Variants in MEIOB observed in about 807,000 individuals in gnomAD.
MEIOB encodes the protein meiosis specific with OB-fold.
A neutral mutation model predicts 53.1 loss-of-function variants in MEIOB; 50 were observed. That is an observed-to-expected ratio of 0.94 (90% CI 0.75 to 1.19). The LOEUF (loss-of-function observed/expected upper bound fraction) is 1.19. Ranked by LOEUF, MEIOB falls within the 50% of genes most tolerant of loss-of-function variation. The probability of loss-of-function intolerance (pLI) is 0.00; values close to 1 mark genes in which losing one functional copy is unlikely to be tolerated. For synonymous variants in MEIOB, 192 were observed against 182.5 expected, an observed-to-expected ratio of 1.05 and a Z score of -0.42; for missense variants, 551 against 550.8, an observed-to-expected ratio of 1.00 and a Z score of 0.00.
At chr16:1,847,753 T>C (rs780130885) in intron 9 of MEIOB, among the ~76,000 whole-genome samples, 10 of 152,104 alleles carry the variant, frequency 6.6e-5, no homozygotes, top group South Asian at 2.1e-4. Context: ...AAAACGGCTG[T>C]AGACACTATC....
intron 1 of MEIOB, among the ~76,000 whole-genome samples, chr16:1,869,529 G>C (rs2974855): frequency 2.7e-5 from 4 of 149,864 alleles, no homozygotes; most frequent in South Asian, 2.1e-4. Context: ...CTCACTGCAA[G>C]CTCCACCTCC....
intron 9 of MEIOB, among the ~76,000 whole-genome samples, chr16:1,845,192 T>C (rs1899000655): frequency 6.6e-6 from 1 of 152,214 alleles, no homozygotes. Context: ...CTTACTAACC[T>C]ATGTGGTTCA....
chr16:1,868,396 G>T (rs941857178), intron 1 of MEIOB, among the ~76,000 whole-genome samples: 1 of 151,762 alleles, frequency 6.6e-6, no homozygotes, highest in African/African-American at 2.4e-5. Context: ...ACGTGGTAGC[G>T]GGCACCAGTA....
At chr16:1,845,374 A>G (rs3925437) in intron 9 of MEIOB, among the ~76,000 whole-genome samples, 27,047 of 151,950 alleles carry the variant, frequency 0.18, 2,558 homozygotes, top group South Asian at 0.27. Flanking sequence ...AAAAAAATTA[A>G]CCAGGCGTGG....
At chr16:1,846,880 G>C (rs1899038580) in intron 9 of MEIOB, among the ~76,000 whole-genome samples, 1 of 152,166 alleles carries the variant, frequency 6.6e-6, no homozygotes, top group South Asian at 2.1e-4. Flanking sequence ...TGATGGGCTG[G>C]GCGTGGTGGT....
At chr16:1,858,616 T>G (rs1899366625) in intron 5 of MEIOB, among the ~76,000 whole-genome samples, 1 of 152,162 alleles carries the variant, frequency 6.6e-6, no homozygotes, top group Non-Finnish European at 1.5e-5. Flanking sequence ...AAATATTATT[T>G]CCCAGCTCAA....
At chr16:1,869,519 C>T (rs936769981) in intron 1 of MEIOB, among the ~76,000 whole-genome samples, 4 of 151,630 alleles carry the variant, frequency 2.6e-5, no homozygotes, top group Admixed American at 1.3e-4. Context: ...GCAATCTCAG[C>T]TCACTGCAAG....
chr16:1,844,004 T>G (rs10903011), intron 10 of MEIOB, among the ~76,000 whole-genome samples: 27,321 of 152,056 alleles, frequency 0.18, 2,610 homozygotes, highest in South Asian at 0.27. Context: ...TGTATCTATT[T>G]ATCTATAATA....
At chr16:1,848,544 C>CTTTTTTTTT (rs749481002) in intron 9 of MEIOB, among the ~76,000 whole-genome samples, 1 of 129,740 alleles carries the variant, frequency 7.7e-6, no homozygotes, top group African/African-American at 2.9e-5. Context: ...TTTTTTTTTC[C>CTTTTTTTTT]TTTTTTTTTT....
chr16:1,856,758 CCTTT>C (rs758220818), intron 6 of MEIOB, among the ~76,000 whole-genome samples: 1 of 104,360 alleles, frequency 9.6e-6, no homozygotes, highest in Non-Finnish European at 1.8e-5. Flanking sequence ...CCACGCCAGG[CCTTT>C]TTTTTTTTTT....
chr16:1,867,538 C>A (rs1193155727), intron 2 of MEIOB, among the ~76,000 whole-genome samples: 2 of 135,114 alleles, frequency 1.5e-5, no homozygotes, highest in Non-Finnish European at 3.0e-5. Context: ...TGCAATGGTG[C>A]GATCTCGGCT....
chr16:1,855,994 CTTTATTTA>C (rs750011574), intron 6 of MEIOB, among the ~76,000 whole-genome samples: 1 of 145,666 alleles, frequency 6.9e-6, no homozygotes, highest in African/African-American at 2.6e-5. Flanking sequence ...ACTCTTGCCT[CTTTATTTA>C]TTTATTTATC....
chr16:1,858,040 T>C, intron 5 of MEIOB, 110 bp from the exon 6 acceptor site: 2 of 681,874 alleles, frequency 2.9e-6, no homozygotes, highest in Non-Finnish European at 2.4e-6. Flanking sequence ...ACAATACTAA[T>C]ATATACTTTT....
chr16:1,855,803 G>C (rs1899285242), intron 6 of MEIOB, among the ~76,000 whole-genome samples: 1 of 152,122 alleles, frequency 6.6e-6, no homozygotes, highest in Non-Finnish European at 1.5e-5. Flanking sequence ...TGCTCCCCAG[G>C]TGGCAGGCAT....
chr16:1,850,048 A>C (rs1480254456), intron 9 of MEIOB, among the ~76,000 whole-genome samples: 1 of 152,216 alleles, frequency 6.6e-6, no homozygotes, highest in East Asian at 1.9e-4. Flanking sequence ...ATTTTTTCTA[A>C]TGATGTTGGT....
intron 6 of MEIOB, among the ~76,000 whole-genome samples, chr16:1,856,263 C>T (rs1218138417): frequency 6.6e-6 from 1 of 150,756 alleles, no homozygotes; most frequent in Non-Finnish European, 1.5e-5. Flanking sequence ...TCAAGTGATT[C>T]TCCTGACTCA....
At chr16:1,841,350 C>T (rs1176388119) in intron 11 of MEIOB, among the ~76,000 whole-genome samples, 1 of 152,166 alleles carries the variant, frequency 6.6e-6, no homozygotes, top group Non-Finnish European at 1.5e-5. Context: ...TAAATACTAA[C>T]TTCGATCTAC....
At chr16:1,855,510 GAGA>G (rs764680743) in intron 6 of MEIOB, among the ~76,000 whole-genome samples, 1 of 152,180 alleles carries the variant, frequency 6.6e-6, no homozygotes, top group East Asian at 1.9e-4. Context: ...TGAAAGGCAT[GAGA>G]AGAAGTGACG....
At chr16:1,842,735 C>G (rs542470781) in intron 10 of MEIOB, among the ~76,000 whole-genome samples, 4 of 151,004 alleles carry the variant, frequency 2.6e-5, no homozygotes, top group Admixed American at 2.0e-4. Context: ...GCGATCTCGG[C>G]TCACTGCAAG....
Sources: gnomAD v4.1 joint callset for allele counts (sites outside exome capture counted in the v4.1 genomes callset) on GRCh38, gnomAD v4.1.1 for gene constraint, MANE v1.5 for transcripts, NCBI Gene and HGNC (gene_info 2026-07-23, HGNC 2026-07-21) for gene names.